The following PSMC3 variants were observed in gnomAD, a reference collection of about 807,000 sequenced individuals.
The protein encoded by PSMC3 is proteasome 26S subunit, ATPase 3, also known as 26S proteasome regulatory subunit 6A.
Under a neutral mutation model 52.0 loss-of-function variants are expected in PSMC3, and 11 were observed. That is an observed-to-expected ratio of 0.21 (90% CI 0.13 to 0.35). PSMC3 has a LOEUF of 0.35. Ranked by LOEUF, PSMC3 falls within the 10% of genes least tolerant of loss-of-function variation. The pLI, the probability that PSMC3 is intolerant of heterozygous loss-of-function variation, is 1.00. For missense variants in PSMC3, 238 were observed against 567.1 expected (o/e 0.42, Z 5.89); for synonymous variants, 201 against 218.8 (o/e 0.92, Z 0.72).
At position 47,422,579 on chromosome 11, in the gene PSMC3, G is replaced by A. The variant is rs759100703; in HGVS notation, c.879C>T (p.Thr293=). 2.2e-5 allele frequency: 36 copies of A among 1,614,068 alleles called. No individual in the cohort carries two copies. Among genetic ancestry groups the A allele is most frequent in the Non-Finnish European group, 3.1e-5 (36 of 1,180,010 alleles). The change falls in exon 8 of 12, where the codon ACC becomes ACT. Residue 293 remains threonine (T), a synonymous_variant. Coordinates refer to ENST00000298852, the MANE Select transcript of PSMC3 (RefSeq NM_002804.5). The surrounding 1 kb of genome is among the most constrained non-coding windows in gnomAD (Gnocchi z 4.3). ...IFIDELDAIG[T]KRFDSEKAGD... is the part of the protein sequence containing the mutation. ...GACCCTTGGCCCTCCCTTACCGCTTGGTGCCGATGGCATCCAACTCATCAA... is the reference window on the plus strand; with the variant it reads ...GACCCTTGGCCCTCCCTTACCGCTTAGTGCCGATGGCATCCAACTCATCAA...
At chr11:47,425,414 C>CA in intron 2 of PSMC3, 168 bp from the exon 3 acceptor site, 1 of 809,962 alleles carries the variant, frequency 1.2e-6, no homozygotes, top group Non-Finnish European at 1.9e-6. Flanking sequence ...CTGCAGAAGT[C>CA]AAAAGAGGAG....
chr11:47,426,009 G>A, intron 1 of PSMC3, 59 bp from the exon 2 acceptor site: 1 of 1,527,794 alleles, frequency 6.5e-7, no homozygotes, highest in Middle Eastern at 2.0e-4. Flanking sequence ...AGCATCCCTC[G>A]TTCTCCGAAC....
chr11:47,423,979 C>T, intron 6 of PSMC3, 67 bp downstream of exon 6: 1 of 1,606,048 alleles, frequency 6.2e-7, no homozygotes, highest in Non-Finnish European at 8.5e-7. Flanking sequence ...GGGAGATGAG[C>T]TGCATCAATG....
rs1254641313 is a variant in PSMC3 at position 47,424,682 on chromosome 11, CT to C, written c.314del (p.Glu105GlyfsTer19). On this transcript the variant is annotated frameshift_variant, in exon 4 of 12. Transcript: ENST00000298852. LOFTEE classifies it high-confidence loss of function. This position sits in a 1 kb window ranked among gnomAD's most constrained non-coding sequence, Gnocchi z 4.8. Reference protein sequence around the residue: ...ELLDVDPNDQEEDGANIDLDS... With the variant: ...ELLDVDPNDQXEDGANIDLDS... ...CCAGGTCAATATTGGCACCATCCTC[CT>C]CTTGGTCATTAGGATCAACATCCAG... 1.2e-6 allele frequency: 2 copies of C among 1,613,930 alleles called. No individual in the cohort carries two copies. Among genetic ancestry groups the C allele is most frequent in the African/African-American group, 1.3e-5 (1 of 75,016 alleles).
intron 2 of PSMC3, chr11:47,425,456 G>T: frequency 1.6e-6 from 1 of 614,802 alleles, no homozygotes. Flanking sequence ...TGAAATAGTG[G>T]TAGTATTGGA....
chr11:47,426,355 T>G lies in PSMC3; in HGVS notation c.-76A>C. 1 of 1,335,768 alleles carries G rather than the reference T, an allele frequency of 7.5e-7. No homozygotes were observed. Among genetic ancestry groups the G allele is most frequent in the Non-Finnish European group, 1.0e-6 (1 of 972,314 alleles). 82.7% of individuals were successfully genotyped at this position (1,335,768 alleles called of 1,614,324 possible). Reference sequence around the variant, plus strand: ...GATTAATACCGTCTTTCTTAAAGCCTTCTCTTGACCAGTGGAAAACCTCTC... The same window carrying G: ...GATTAATACCGTCTTTCTTAAAGCCGTCTCTTGACCAGTGGAAAACCTCTC... On this transcript the variant is annotated 5_prime_UTR_variant, in exon 1 of 12. Transcript: ENST00000298852.
Position 47,422,955 on chromosome 11 carries a change from A to G in PSMC3, c.610T>C (p.Leu204=), listed in dbSNP as rs2153303956. The change falls in exon 7 of 12, where the codon TTG becomes CTG. Residue 204 remains leucine (L), a synonymous_variant. Coordinates refer to ENST00000298852, the MANE Select transcript of PSMC3 (RefSeq NM_002804.5). This position sits in a 1 kb window ranked among gnomAD's most constrained non-coding sequence, Gnocchi z 4.3. ...QIQELVEAIV[L]PMNHKEKFEN... ...AACTTCTCCTTGTGGTTCATTGGCA[A>G]GACAATGGCCTCCACCAGCTGCCAG... 1.2e-6 allele frequency: 2 copies of G among 1,612,488 alleles called. No homozygotes were observed. Among genetic ancestry groups the G allele is most frequent in the African/African-American group, 1.3e-5 (1 of 74,954 alleles).
At chr11:47,426,173 G>A in intron 1 of PSMC3, 32 bp downstream of exon 1, 1 of 1,548,832 alleles carries the variant, frequency 6.5e-7, no homozygotes, top group Non-Finnish European at 8.7e-7. Context: ...GCGGGCCCCG[G>A]TTCCCGGACC....
At chr11:47,421,620 C>T (rs1450163878) in intron 8 of PSMC3, among the ~76,000 whole-genome samples, 1 of 150,800 alleles carries the variant, frequency 6.6e-6, no homozygotes, top group African/African-American at 2.4e-5. Context: ...CAGCATTTAT[C>T]CCAGGGAGCA....
intron 1 of PSMC3, 53 bp downstream of exon 1, chr11:47,426,152 G>A (rs1949423087): frequency 3.3e-6 from 5 of 1,521,550 alleles, no homozygotes; most frequent in Non-Finnish European, 4.5e-6. Flanking sequence ...TCTTGTCAAT[G>A]GCGTCTCCCT....
At chr11:47,419,620 G>A (rs923995757) in intron 10 of PSMC3, among the ~76,000 whole-genome samples, 1 of 152,170 alleles carries the variant, frequency 6.6e-6, no homozygotes, top group Non-Finnish European at 1.5e-5. Context: ...AGCACTTTGG[G>A]AGGCCAAGGT....
rs151081942 is a variant in PSMC3, at chr11:47,420,377, C to T, written c.1014G>A (p.Leu338=). The T allele has an allele frequency of 2.6e-3, 4,148 of 1,613,950 alleles. 10 individuals are homozygous for T. The highest frequency in any genetic ancestry group is 3.3e-3 in the Non-Finnish European group (3,891 of 1,179,860). Reference sequence around the variant, plus strand: ...GGCCCGAGCGGAGGAGGGCGGGGTCCAGGATGTCCACCCTGTTTGTGGCTG... The same window carrying T: ...GGCCCGAGCGGAGGAGGGCGGGGTCTAGGATGTCCACCCTGTTTGTGGCTG... ...VIAATNRVDI[L]DPALLRSGRL... Residue 338 remains leucine, a synonymous_variant, in exon 10 of 12, where the codon CTG becomes CTA. Transcript: ENST00000298852.
intron 6 of PSMC3, 59 bp from the exon 7 acceptor site, chr11:47,423,032 C>A (rs1056187810): frequency 6.6e-7 from 1 of 1,506,692 alleles, no homozygotes. Context: ...ACAGCCCAAC[C>A]CTTCATGGCT....
chr11:47,423,352 G>C (rs1442846255), intron 6 of PSMC3, among the ~76,000 whole-genome samples: 2 of 150,964 alleles, frequency 1.3e-5, no homozygotes, highest in Non-Finnish European at 2.9e-5. Flanking sequence ...AGTGAGCCAA[G>C]ATCACGCCAC....
rs2096041731 is a variant in PSMC3, at chr11:47,422,456, C to T, written c.884+118G>A. On this transcript the variant is annotated intron_variant, in intron 8 of 11. Transcript: ENST00000298852. This position sits in a 1 kb window ranked among gnomAD's most constrained non-coding sequence, Gnocchi z 4.3. ...GGAATCTCAAGAGTTGAGGAGCCAC[C>T]ATCCAGGGGCAGGAGGGGATACAGG... The T allele has an allele frequency of 1.6e-6, 2 of 1,259,276 alleles. No individual in the cohort carries two copies. Among genetic ancestry groups the T allele is most frequent in the Non-Finnish European group, 1.1e-6 (1 of 904,236 alleles). The allele number at this position is 1,259,276 out of a possible 1,614,324, so 78.0% of individuals were successfully genotyped here. A position where few individuals can be genotyped will look rare whatever the true frequency, so the allele number is the denominator to read the frequency against.
chr11:47,424,276 G>C lies in PSMC3; in HGVS notation c.454-93C>G, dbSNP rs1363432899. On this transcript the variant is annotated intron_variant, in intron 5 of 11. Coordinates refer to ENST00000298852, the MANE Select transcript of PSMC3 (RefSeq NM_002804.5). This position sits in a 1 kb window ranked among gnomAD's most constrained non-coding sequence, Gnocchi z 4.8. ...GGTGTCTGCAGAGGGAAAGACACAG[G>C]ACTGGGCAATACAAGAATCAAACAG... 29 of 1,583,050 alleles carry C rather than the reference G, an allele frequency of 1.8e-5. No individual in the cohort carries two copies. Among genetic ancestry groups the C allele is most frequent in the South Asian group, 4.4e-5 (4 of 90,346 alleles).
chr11:47,421,907 C>G (rs1414030455), intron 8 of PSMC3, among the ~76,000 whole-genome samples: 2 of 152,098 alleles, frequency 1.3e-5, no homozygotes, highest in Non-Finnish European at 2.9e-5. Context: ...CCACCTCAGC[C>G]TTCCAAAGTG....
In PSMC3 at chr11:47,424,612, G is replaced by A. The variant is rs200092114; in HGVS notation, c.385C>T (p.Arg129Ter). The change falls in exon 4 of 12, where the codon CGA becomes TGA. Residue 129 changes from arginine to a stop codon, truncating the protein, a stop_gained. Transcript: ENST00000298852. LOFTEE classifies it high-confidence loss of function. The surrounding 1 kb of genome is among the most constrained non-coding windows in gnomAD (Gnocchi z 4.8). ...CATTGCTGAGCCACGCTCACCTGTC[G>A]TGTAGAGGTTTTGATCACAGCACAC... ...GKCAVIKTST[R>*]QTYFLPVIGL... is the part of the protein sequence containing the mutation. 14 of 1,612,468 alleles carry A rather than the reference G, an allele frequency of 8.7e-6. No homozygotes were observed. Among genetic ancestry groups the A allele is most frequent in the Non-Finnish European group, 9.3e-6 (11 of 1,178,600 alleles).
chr11:47,424,625 G>T lies in PSMC3; in HGVS notation c.372C>A (p.Ile124=), dbSNP rs1326721756. 1 of 1,613,548 alleles carries T rather than the reference G, an allele frequency of 6.2e-7. No individual in the cohort carries two copies. Among genetic ancestry groups the T allele is most frequent in the South Asian group, 1.1e-5 (1 of 91,066 alleles). Residue 124 remains isoleucine (I), a synonymous_variant, in exon 4 of 12, where the codon ATC becomes ATA. Coordinates refer to ENST00000298852, the MANE Select transcript of PSMC3 (RefSeq NM_002804.5). This position sits in a 1 kb window ranked among gnomAD's most constrained non-coding sequence, Gnocchi z 4.8. ...DSQRKGKCAV[I]KTSTRQTYFL... ...CGCTCACCTGTCGTGTAGAGGTTTT[G>T]ATCACAGCACACTTGCCCTTCCTCT...
Sources: allele counts gnomAD v4.1 joint callset (sites outside exome capture counted in the v4.1 genomes callset), GRCh38; gene constraint gnomAD v4.1.1; non-coding constraint Gnocchi (gnomAD v3.1); transcripts MANE v1.5; gene names NCBI Gene and HGNC (gene_info 2026-07-23, HGNC 2026-07-21).